The following GLI3 variants were observed in gnomAD, a reference collection of about 807,000 sequenced individuals.
GLI3 encodes the protein GLI family zinc finger 3.
Under a neutral mutation model 100.8 loss-of-function variants are expected in GLI3, and 20 were observed. That is an observed-to-expected ratio of 0.20 (90% CI 0.14 to 0.29). The LOEUF is 0.29. GLI3 is among the 10% of genes least tolerant of loss of function. The probability of loss-of-function intolerance (pLI) is 1.00; values close to 1 mark genes in which losing one functional copy is unlikely to be tolerated. For synonymous variants in GLI3, 938 were observed against 860.5 expected (o/e 1.09, Z -1.58); for missense variants, 2,040 against 2,128.5 (o/e 0.96, Z 0.82).
chr7:42,003,916 TATAA>T (rs1416875377), intron 10 of GLI3, among the ~76,000 whole-genome samples: 8 of 152,188 alleles, frequency 5.3e-5, no homozygotes, highest in African/African-American at 1.9e-4. Context: ...ATGTGAAACT[TATAA>T]ATAAACAGGA....
chr7:42,024,693 C>T (rs1004511137), intron 9 of GLI3, among the ~76,000 whole-genome samples: 9 of 152,162 alleles, frequency 5.9e-5, no homozygotes, highest in African/African-American at 9.7e-5. Flanking sequence ...TGACTAGAGG[C>T]GGAGTCCGGA....
At chr7:42,084,275 C>T (rs1785055750) in intron 3 of GLI3, among the ~76,000 whole-genome samples, 1 of 152,216 alleles carries the variant, frequency 6.6e-6, no homozygotes, top group Non-Finnish European at 1.5e-5. Flanking sequence ...GTGTTTCCCA[C>T]AAGAAAATGC....
intron 3 of GLI3, among the ~76,000 whole-genome samples, chr7:42,110,835 A>T (rs1028743867): frequency 6.6e-6 from 1 of 152,206 alleles, no homozygotes; most frequent in African/African-American, 2.4e-5. Flanking sequence ...ACATCAACTT[A>T]TTCAGTGATT....
intron 13 of GLI3, among the ~76,000 whole-genome samples, chr7:41,969,604 G>A (rs1189307077): frequency 6.6e-6 from 1 of 152,224 alleles, no homozygotes; most frequent in Non-Finnish European, 1.5e-5. Context: ...CAGACCACCT[G>A]CTCCTTCCTG....
At chr7:41,982,156 C>T (rs928154206) in intron 10 of GLI3, among the ~76,000 whole-genome samples, 1 of 152,080 alleles carries the variant, frequency 6.6e-6, no homozygotes, top group African/African-American at 2.4e-5. Flanking sequence ...GCATTGAGAC[C>T]ACAGTTATTT....
intron 12 of GLI3, among the ~76,000 whole-genome samples, chr7:41,973,460 T>C (rs374882962): frequency 6.6e-6 from 1 of 152,190 alleles, no homozygotes; most frequent in East Asian, 1.9e-4. Context: ...GATACAGTCA[T>C]AAAAAATTAT....
chr7:42,023,624 G>T lies in GLI3; in HGVS notation c.1357-16C>A, dbSNP rs751079629. The stretch of plus-strand genomic sequence containing the variant: ...CGGGCTGTTCCTGAAAGAAGAGGGT[G>T]GGGGGCAGGGAACAGAGAAGGGGGA... On this transcript the variant is annotated splice_polypyrimidine_tract_variant and intron_variant, in intron 9 of 14. Transcript: ENST00000395925. The T allele has an allele frequency of 2.5e-6, 4 of 1,591,992 alleles. No individual in the cohort carries two copies. The highest frequency in any genetic ancestry group is 1.7e-4 in the Middle Eastern group (1 of 6,010).
intron 1 of GLI3, among the ~76,000 whole-genome samples, chr7:42,248,248 C>T (rs1340473573): frequency 6.6e-6 from 1 of 152,114 alleles, no homozygotes; most frequent in Non-Finnish European, 1.5e-5. Context: ...AGAAGCAAAT[C>T]ATCATAAAGT....
At chr7:42,085,327 A>T (rs1210457673) in intron 3 of GLI3, among the ~76,000 whole-genome samples, 1 of 152,194 alleles carries the variant, frequency 6.6e-6, no homozygotes, top group Non-Finnish European at 1.5e-5. Context: ...ACCTGCTGCA[A>T]AAAGAGCTTT....
At chr7:42,136,573 T>C (rs1786433460) in intron 3 of GLI3, among the ~76,000 whole-genome samples, 1 of 152,198 alleles carries the variant, frequency 6.6e-6, no homozygotes, top group Admixed American at 6.5e-5. Context: ...ACCACAGGCT[T>C]CCCCATTTTT....
chr7:42,017,670 C>G (rs1383035751), intron 10 of GLI3, among the ~76,000 whole-genome samples: 1 of 152,208 alleles, frequency 6.6e-6, no homozygotes, highest in African/African-American at 2.4e-5. Context: ...CGAGGCAAGG[C>G]CAGGTCTTAT....
chr7:42,044,258 C>T (rs553738788), intron 6 of GLI3, among the ~76,000 whole-genome samples: 2 of 152,284 alleles, frequency 1.3e-5, no homozygotes, highest in East Asian at 1.9e-4. Context: ...ACAAACAAAA[C>T]GCTAAGCAAA....
rs1202816200 is a variant in GLI3 at position 42,023,487 on chromosome 7, G to A, written c.1478C>T (p.Thr493Ile). 2 of 1,614,176 alleles carry A rather than the reference G, an allele frequency of 1.2e-6. No individual in the cohort carries two copies. Among genetic ancestry groups the A allele is most frequent in the Non-Finnish European group, 1.7e-6 (2 of 1,180,006 alleles). ...HWEGCAREFD[T>I]QEQLVHHINN... ...ACTTACGTGCACAAGCTGCTCTTGG[G>A]TGTCGAACTCCCTCGCGCAGCCTTC... is the stretch of plus-strand genomic sequence containing the variant. The change falls in exon 10 of 15, where the codon ACC becomes ATC. Residue 493 changes from threonine to isoleucine, a missense_variant. Around this residue, in one of 5 missense-constraint regions of GLI3, gnomAD observed 603 missense variants for 690.9 expected, o/e 0.87. Coordinates refer to ENST00000395925, the MANE Select transcript of GLI3 (RefSeq NM_000168.6).
At chr7:42,001,116 G>A (rs554944838) in intron 10 of GLI3, among the ~76,000 whole-genome samples, 108 of 151,510 alleles carry the variant, frequency 7.1e-4, no homozygotes, top group Non-Finnish European at 1.4e-3. Context: ...GTGGTGGTGA[G>A]CGTCTGTAAT....
intron 4 of GLI3, among the ~76,000 whole-genome samples, chr7:42,065,957 C>T (rs1362037287): frequency 6.6e-6 from 1 of 152,164 alleles, no homozygotes; most frequent in Non-Finnish European, 1.5e-5. Flanking sequence ...CTTTAGGTCT[C>T]CACGTTAGGG....
chr7:41,965,037 C>A lies in GLI3; in HGVS notation c.4036G>T (p.Gly1346Trp). 6.2e-7 allele frequency: 1 copy of A among 1,613,924 alleles called. No individual in the cohort carries two copies. The highest frequency in any genetic ancestry group is 8.5e-7 in the Non-Finnish European group (1 of 1,180,024). Reference protein sequence around the residue: ...GAGRPGQQMLGQISATSHINI... With the variant: ...GAGRPGQQMLWQISATSHINI... ...ATGTGTGAGGTAGCACTAATCTGCC[C>A]AAGCATCTGCTGACCGGGGCGGCCT... Residue 1346 changes from glycine to tryptophan, a missense_variant, in exon 15 of 15, where the codon GGG becomes TGG. By Grantham distance (184) the Gly-to-Trp change is radical (BLOSUM62 -2). This residue lies in a region of GLI3 where 1,041 missense variants were observed against 924.0 expected (regional missense o/e 1.13). Transcript: ENST00000395925.
At chr7:41,981,092 G>T (rs915597433) in intron 10 of GLI3, among the ~76,000 whole-genome samples, 1 of 152,194 alleles carries the variant, frequency 6.6e-6, no homozygotes, top group Non-Finnish European at 1.5e-5. Flanking sequence ...GAAGGATGGG[G>T]TAGGAGAATG....
intron 3 of GLI3, among the ~76,000 whole-genome samples, chr7:42,085,662 G>A (rs3801170): frequency 0.62 from 94,932 of 152,020 alleles, 30,444 homozygotes; most frequent in African/African-American, 0.75. Flanking sequence ...CACTTCAAAC[G>A]TGATCCCTGC....
intron 1 of GLI3, among the ~76,000 whole-genome samples, chr7:42,263,605 C>G (rs1789169220): frequency 6.6e-6 from 1 of 152,108 alleles, no homozygotes; most frequent in Non-Finnish European, 1.5e-5. Flanking sequence ...TGCCACCATG[C>G]CCTGCTAATT....
Sources: gnomAD v4.1 joint callset for allele counts (sites outside exome capture counted in the v4.1 genomes callset) on GRCh38, gnomAD v4.1.1 for gene constraint, gnomAD v4.1.1 regional missense constraint, MANE v1.5 for transcripts, NCBI Gene and HGNC (gene_info 2026-07-23, HGNC 2026-07-21) for gene names.